MYBPC2: variants seen among roughly 807,000 people sequenced by gnomAD.
MYBPC2 encodes the protein myosin-binding protein C, fast-type.
Under a neutral mutation model 137.0 loss-of-function variants are expected in MYBPC2, and 122 were observed. The ratio of observed to expected loss-of-function variants is 0.89; its 90% CI spans 0.77 to 1.03. MYBPC2 has a LOEUF of 1.03. Among genes scored for constraint, MYBPC2 ranks in the 50% least tolerant of loss-of-function variants. MYBPC2 has a pLI of 0.00. For missense variants in MYBPC2, 1,500 were observed against 1,534.4 expected (o/e 0.98, Z 0.37); for synonymous variants, 626 against 612.3 (o/e 1.02, Z -0.33).
At position 50,436,169 on chromosome 19, in the gene MYBPC2, C is replaced by T. The variant is rs1207298839; in HGVS notation, c.345+9C>T. On this transcript the variant is annotated intron_variant, in intron 4 of 27. Coordinates refer to ENST00000357701, the MANE Select transcript of MYBPC2 (RefSeq NM_004533.4). ...ACAACTCCGCCAGCAATGTGAGGAC[C>T]CCGTGGGCCAGAGGGCTGGTGGAGG... The T allele has an allele frequency of 6.3e-7, 1 of 1,578,562 alleles. No homozygotes were observed. The highest frequency in any genetic ancestry group is 8.6e-7 in the Non-Finnish European group (1 of 1,162,290).
rs1053318712 is a variant in MYBPC2 at position 50,435,482 on chromosome 19, G to C, written c.109+232G>C. Among the ~76,000 whole-genome samples, 2 of 152,214 alleles carry C rather than the reference G, an allele frequency of 1.3e-5. No homozygotes were observed. Among genetic ancestry groups the C allele is most frequent in the African/African-American group, 2.4e-5 (1 of 41,448 alleles). ...CGGTCAGCTGGCTGATTGATCACCA[G>C]GTCCGGCCCCGGTCTCTCTAAACCT... On this transcript the variant is annotated intron_variant, in intron 2 of 27. Coordinates refer to ENST00000357701, the MANE Select transcript of MYBPC2 (RefSeq NM_004533.4). The surrounding 1 kb of genome is among the most constrained non-coding windows in gnomAD (Gnocchi z 4.8).
rs779002376 is a variant in MYBPC2, at chr19:50,454,089, A to G, written c.1819A>G (p.Ser607Gly). ...GGACTGCAGCAGCTTTGTGATTGAGAGTGCGCAGCGGGAAGACGAGGGCCG... is the reference window on the plus strand; with the variant it reads ...GGACTGCAGCAGCTTTGTGATTGAGGGTGCGCAGCGGGAAGACGAGGGCCG... ...RVDCSSFVIE[S>G]AQREDEGRYT... Residue 607 changes from serine to glycine, a missense_variant, in exon 17 of 28, where the codon AGT becomes GGT. Coordinates refer to ENST00000357701, the MANE Select transcript of MYBPC2 (RefSeq NM_004533.4). The G allele has an allele frequency of 6.2e-7, 1 of 1,611,718 alleles. No individual in the cohort carries two copies. The highest frequency in any genetic ancestry group is 8.5e-7 in the Non-Finnish European group (1 of 1,179,104).
chr19:50,459,338 G>T, intron 23 of MYBPC2, 32 bp downstream of exon 23: 1 of 1,569,100 alleles, frequency 6.4e-7, no homozygotes. Context: ...CCTGGAGGCC[G>T]GGAGGGGCAG....
In MYBPC2 at chr19:50,443,746, C is replaced by A; in HGVS notation, c.1063C>A (p.Gln355Lys). Reference protein sequence around the residue: ...PVLIVTPLEDQQVFVGDRVEM... With the variant: ...PVLIVTPLEDKQVFVGDRVEM... Reference sequence around the variant, plus strand: ...CCTAATTGTCACACCTCTTGAGGACCAGCAGGTGTTTGTGGGTGACCGGGT... The same window carrying A: ...CCTAATTGTCACACCTCTTGAGGACAAGCAGGTGTTTGTGGGTGACCGGGT... Residue 355 changes from glutamine (Q) to lysine (K), a missense_variant, in exon 11 of 28, where the codon CAG becomes AAG. Transcript: ENST00000357701. The A allele has an allele frequency of 3.1e-6, 5 of 1,613,906 alleles. No homozygotes were observed. Among genetic ancestry groups the A allele is most frequent in the Non-Finnish European group, 4.2e-6 (5 of 1,179,858 alleles).
Position 50,458,611 on chromosome 19 carries a change from C to A in MYBPC2, c.2363C>A (p.Thr788Asn), listed in dbSNP as rs772743698. Residue 788 changes from threonine (T) to asparagine (N), a missense_variant, in exon 21 of 28, where the codon ACC (threonine) becomes AAC (asparagine). Thr to Asn is a moderately conservative substitution (Grantham distance 65, BLOSUM62 0). Coordinates refer to ENST00000357701, the MANE Select transcript of MYBPC2 (RefSeq NM_004533.4). ...GCCGAGGAATGGGTCCCTGCCAACA[C>A]CGAGCCCGTGGAGCGCTGTGGCTTC... ...EGSEEWVPANTEPVERCGFTV... is the reference protein window; with the variant it reads ...EGSEEWVPANNEPVERCGFTV... The A allele has an allele frequency of 6.2e-7, 1 of 1,612,666 alleles. No individual in the cohort carries two copies. The highest frequency in any genetic ancestry group is 1.1e-5 in the South Asian group (1 of 91,078).
At chr19:50,451,535 G>A (rs2122600616) in intron 15 of MYBPC2, among the ~76,000 whole-genome samples, 1 of 149,614 alleles carries the variant, frequency 6.7e-6, no homozygotes, top group East Asian at 2.0e-4. Context: ...GAGGGACTGA[G>A]GTCCTGAGGG....
At chr19:50,463,897 C>T (rs1342255694) in intron 26 of MYBPC2, among the ~76,000 whole-genome samples, 2 of 150,928 alleles carry the variant, frequency 1.3e-5, no homozygotes, top group Non-Finnish European at 2.9e-5. Flanking sequence ...CAAGATCACG[C>T]CACTGCACTC....
intron 11 of MYBPC2, 43 bp downstream of exon 11, chr19:50,443,859 G>A (rs752572282): frequency 2.2e-5 from 34 of 1,566,584 alleles, no homozygotes; most frequent in Middle Eastern, 1.7e-4. Flanking sequence ...GGTGCACATA[G>A]TTTCTTTGCC....
chr19:50,448,910 A>G (rs1341823758), intron 13 of MYBPC2, among the ~76,000 whole-genome samples: 1 of 150,724 alleles, frequency 6.6e-6, no homozygotes, highest in East Asian at 2.0e-4. Context: ...TTGCATTTTT[A>G]GTCAAGACAG....
At position 50,448,304 on chromosome 19, in the gene MYBPC2, G is replaced by C. The variant is rs2122595424; in HGVS notation, c.1386G>C (p.Val462=). The C allele has an allele frequency of 6.2e-7, 1 of 1,613,958 alleles. No homozygotes were observed. The highest frequency in any genetic ancestry group is 1.3e-5 in the African/African-American group (1 of 75,066). Residue 462 remains valine, a synonymous_variant, in exon 13 of 28, where the codon GTG becomes GTC. Coordinates refer to ENST00000357701, the MANE Select transcript of MYBPC2 (RefSeq NM_004533.4). ...AACAAGCTGTGTTCAAGTGCGAGGTGTCTGATGAGAAAGTGACGGGCAAGT... is the reference window on the plus strand; with the variant it reads ...AACAAGCTGTGTTCAAGTGCGAGGTCTCTGATGAGAAAGTGACGGGCAAGT... The part of the protein sequence containing the change: ...ASEQAVFKCE[V]SDEKVTGKWY...
chr19:50,451,064 C>G, intron 14 of MYBPC2, 129 bp downstream of exon 14: 1 of 1,026,898 alleles, frequency 9.7e-7, no homozygotes. Flanking sequence ...GCGTCTGTCC[C>G]GCTCATGGCT....
chr19:50,440,844 T>G (rs773808800), intron 7 of MYBPC2, 36 bp from the exon 8 acceptor site: 4 of 1,580,850 alleles, frequency 2.5e-6, no homozygotes, highest in Non-Finnish European at 3.4e-6. Flanking sequence ...CCTTCCTCAC[T>G]CCCTGATGGC....
At chr19:50,445,541 C>T (rs565171001) in intron 11 of MYBPC2, among the ~76,000 whole-genome samples, 75 of 152,108 alleles carry the variant, frequency 4.9e-4, no homozygotes, top group African/African-American at 1.8e-3. Context: ...TATAGGTGCC[C>T]ACCACCACAC....
chr19:50,436,813 G>T, intron 5 of MYBPC2, 79 bp downstream of exon 5: 3 of 1,349,776 alleles, frequency 2.2e-6, no homozygotes, highest in Non-Finnish European at 3.2e-6. Flanking sequence ...GGTGTTGGGA[G>T]AGTGCACAGG....
At position 50,451,360 on chromosome 19, in the gene MYBPC2, G is replaced by A. The variant is rs2039856014; in HGVS notation, c.1609+51G>A. ...GCGGGTCTGAGGGAGGAGGGACCGGGCTGAGGGAGGAGGGGAATGGCCGAG... is the reference window on the plus strand; with the variant it reads ...GCGGGTCTGAGGGAGGAGGGACCGGACTGAGGGAGGAGGGGAATGGCCGAG... On this transcript the variant is annotated intron_variant, in intron 15 of 27. Transcript: ENST00000357701. The A allele has an allele frequency of 2.4e-5, 39 of 1,600,944 alleles. No homozygotes were observed. The East Asian group carries it at 8.3e-4, about 34-fold the overall frequency.
At chr19:50,436,356 G>A (rs957167272) in intron 4 of MYBPC2, among the ~76,000 whole-genome samples, 196 bp downstream of exon 4, 3 of 152,186 alleles carry the variant, frequency 2.0e-5, no homozygotes, top group Non-Finnish European at 2.9e-5. Flanking sequence ...CTGGGGTTGG[G>A]TGGGGATGCA....
chr19:50,461,532 CCCA>C lies in MYBPC2; in HGVS notation c.2932-8_2932-6del. 1.9e-6 allele frequency: 3 copies of C among 1,612,356 alleles called. No homozygotes were observed. The East Asian group carries it at 6.7e-5, about 36-fold the overall frequency. ...CCGACCCGCCTGGTCCCTCCCTGTC[CCCA>C]CACTAGGAGTGGTTCAACGTCTATG... On this transcript the variant is annotated splice_region_variant and splice_polypyrimidine_tract_variant and intron_variant, in intron 24 of 27. Coordinates refer to ENST00000357701, the MANE Select transcript of MYBPC2 (RefSeq NM_004533.4).
At chr19:50,433,989 T>G (rs1181298168) in intron 1 of MYBPC2, among the ~76,000 whole-genome samples, 1 of 152,088 alleles carries the variant, frequency 6.6e-6, no homozygotes, top group East Asian at 1.9e-4. Context: ...GAGGCTGCAG[T>G]GAGCTGTGAT....
In MYBPC2 at chr19:50,440,951, G is replaced by A. The variant is rs1295522138; in HGVS notation, c.644G>A (p.Trp215Ter). ...DDDLGIPPEI[W>*]ELLKGAKKSE... ...GACCTAGGCATCCCCCCGGAGATTT[G>A]GGAGCTCCTGAAAGGGGCAAAGAAG... The change falls in exon 8 of 28, where the codon TGG becomes TAG. Residue 215 changes from tryptophan (W) to a stop codon, truncating the protein, a stop_gained. Transcript: ENST00000357701. LOFTEE classifies it high-confidence loss of function. 6.2e-7 allele frequency: 1 copy of A among 1,613,814 alleles called. No individual in the cohort carries two copies.
Sources: allele counts gnomAD v4.1 joint callset (sites outside exome capture counted in the v4.1 genomes callset), GRCh38; gene constraint gnomAD v4.1.1; non-coding constraint Gnocchi (gnomAD v3.1); transcripts MANE v1.5; gene names NCBI Gene and HGNC (gene_info 2026-07-23, HGNC 2026-07-21).